Variants in NF1 observed in about 807,000 individuals in gnomAD.
NF1 encodes the protein neurofibromin.
NF1 carries 122 observed loss-of-function variants against 325.7 expected under a neutral mutation model. That is an observed-to-expected ratio of 0.37 (90% CI 0.32 to 0.44). The LOEUF (loss-of-function observed/expected upper bound fraction) is 0.44, where lower values mean the gene tolerates loss of function less well. NF1 is among the 20% of genes least tolerant of loss of function. The pLI is 1.00. For missense variants in NF1, 2,140 were observed against 3,415.4 expected, an observed-to-expected ratio of 0.63 and a Z score of 9.31; for synonymous variants, 1,091 against 1,186.0, an observed-to-expected ratio of 0.92 and a Z score of 1.65.
intron 4 of NF1, among the ~76,000 whole-genome samples, chr17:31,164,589 G>A (rs752652688): frequency 2.6e-5 from 4 of 152,218 alleles, no homozygotes; most frequent in Non-Finnish European, 4.4e-5. Flanking sequence ...TGTACGAACA[G>A]TGGACTTTGA....
At chr17:31,284,859 G>A (rs948235912) in intron 36 of NF1, among the ~76,000 whole-genome samples, 2 of 152,084 alleles carry the variant, frequency 1.3e-5, no homozygotes, top group African/African-American at 4.8e-5. Flanking sequence ...GGTGGCTCAC[G>A]CCTGTAATCC....
In NF1 at chr17:31,336,988, T is replaced by C. The variant is rs1417900078; in HGVS notation, c.6427+74T>C. The C allele has an allele frequency of 2.7e-6, 4 of 1,492,468 alleles. No individual in the cohort carries two copies. Among genetic ancestry groups the C allele is most frequent in the South Asian group, 1.1e-5 (1 of 87,210 alleles). The allele number at this position is 1,492,468 out of a possible 1,614,324, so 92.5% of individuals were successfully genotyped here. ...TACTTCACCTGATCAATATAGATTATCTTATTTATGTTTGTGCTCTAACAC... is the reference window on the plus strand; with the variant it reads ...TACTTCACCTGATCAATATAGATTACCTTATTTATGTTTGTGCTCTAACAC... On this transcript the variant is annotated intron_variant, in intron 42 of 57. Transcript: ENST00000358273. The surrounding 1 kb of genome is among the most constrained non-coding windows in gnomAD (Gnocchi z 5.5).
At chr17:31,266,846 A>C (rs1247401602) in intron 36 of NF1, among the ~76,000 whole-genome samples, 4 of 151,988 alleles carry the variant, frequency 2.6e-5, no homozygotes, top group Admixed American at 1.3e-4. Context: ...AGTGAGATTC[A>C]ATCAGTTTGG....
At chr17:31,340,474 T>A (rs2069787746) in intron 46 of NF1, 31 bp from the exon 47 acceptor site, 4 of 1,614,010 alleles carry the variant, frequency 2.5e-6, no homozygotes, top group South Asian at 2.2e-5. Context: ...ATGATTCATC[T>A]TACTAGCCTC....
rs1337343400 is a variant in NF1 at position 31,249,063 on chromosome 17, A to C, written c.4054A>C (p.Ser1352Arg). 6.2e-7 allele frequency: 1 copy of C among 1,614,170 alleles called. No individual in the cohort carries two copies. The highest frequency in any genetic ancestry group is 1.7e-5 in the Admixed American group (1 of 60,020). The change falls in exon 30 of 58, where the codon AGT (serine) becomes CGT (arginine). Residue 1352 changes from serine (S) to arginine (R), a missense_variant. By Grantham distance (110) the Ser-to-Arg change is moderately radical. Transcript: ENST00000358273. ...TGAAAAGTTCTTCCATGCCATCATCAGTTCCTCCTCAGAATTCCCCCCTCA... is the reference window on the plus strand; with the variant it reads ...TGAAAAGTTCTTCCATGCCATCATCCGTTCCTCCTCAGAATTCCCCCCTCA... ...MTEKFFHAII[S>R]SSSEFPPQLR... is the part of the protein sequence containing the mutation.
At chr17:31,235,795 G>C (rs767740383) in intron 28 of NF1, 23 bp downstream of exon 28, 1 of 1,613,856 alleles carries the variant, frequency 6.2e-7, no homozygotes, top group Non-Finnish European at 8.5e-7. Context: ...CATTTTGTGT[G>C]TATGTGTGTG....
At chr17:31,218,051 C>T (rs1183618591) in intron 13 of NF1, among the ~76,000 whole-genome samples, 1 of 151,978 alleles carries the variant, frequency 6.6e-6, no homozygotes, top group South Asian at 2.1e-4. Context: ...GGGTATCTGC[C>T]GATGCAAATT....
At chr17:31,313,690 A>G (rs1336881831) in intron 36 of NF1, among the ~76,000 whole-genome samples, 1 of 146,826 alleles carries the variant, frequency 6.8e-6, no homozygotes, top group Non-Finnish European at 1.5e-5. Flanking sequence ...TGGGAGACAG[A>G]GCAAGACTCT....
At chr17:31,312,857 T>C (rs1362241379) in intron 36 of NF1, among the ~76,000 whole-genome samples, 1 of 114,398 alleles carries the variant, frequency 8.7e-6, no homozygotes, top group African/African-American at 2.5e-5. Context: ...TAAAATACTC[T>C]TTGCAGTTTT....
At chr17:31,370,912 C>T (rs1344449587) in intron 57 of NF1, among the ~76,000 whole-genome samples, 1 of 152,016 alleles carries the variant, frequency 6.6e-6, no homozygotes, top group African/African-American at 2.4e-5. Flanking sequence ...AAAGAAACAA[C>T]TCAGAATTAC....
At chr17:31,253,876 G>GA (rs1175947295) in intron 31 of NF1, 1 of 152,134 alleles carries the variant, frequency 6.6e-6, no homozygotes, top group Non-Finnish European at 1.5e-5. Flanking sequence ...AAGATGTAAA[G>GA]AAAACTAAGT....
chr17:31,104,690 A>T (rs1912687832), intron 1 of NF1, among the ~76,000 whole-genome samples: 1 of 152,214 alleles, frequency 6.6e-6, no homozygotes, highest in African/African-American at 2.4e-5. Flanking sequence ...TTAAGGTCTC[A>T]GCAAGTTGTA....
Position 31,122,709 on chromosome 17 carries a change from G to A in NF1, c.60+27340G>A, listed in dbSNP as rs144162566. 2.1e-3 allele frequency among the ~76,000 whole-genome samples: 320 copies of A among 152,306 alleles called. 2 individuals are homozygous for A. Among genetic ancestry groups the A allele is most frequent in the East Asian group, 3.3e-3 (17 of 5,190 alleles). ...ATAAATTGAAGATTAATTATATGAAGTATATGGTTTGTAATCTCAATTGAA... is the reference window on the plus strand; with the variant it reads ...ATAAATTGAAGATTAATTATATGAAATATATGGTTTGTAATCTCAATTGAA... On this transcript the variant is annotated intron_variant, in intron 1 of 57. Coordinates refer to ENST00000358273, the MANE Select transcript of NF1 (RefSeq NM_001042492.3).
intron 5 of NF1, among the ~76,000 whole-genome samples, chr17:31,180,026 T>TA (rs1180545359): frequency 1.1e-4 from 17 of 152,206 alleles, no homozygotes; most frequent in Non-Finnish European, 2.1e-4. Context: ...CCTGGACACA[T>TA]ACACCCTCCC....
intron 57 of NF1, chr17:31,362,464 G>A (rs185321208): frequency 4.2e-6 from 2 of 476,208 alleles, no homozygotes; most frequent in Admixed American, 6.4e-5. Flanking sequence ...TAGAACCAAG[G>A]CCAGGCCCTT....
chr17:31,168,513 A>C (rs2065880941), intron 4 of NF1, among the ~76,000 whole-genome samples: 1 of 152,060 alleles, frequency 6.6e-6, no homozygotes, highest in Non-Finnish European at 1.5e-5. Context: ...GCCTCTGTTA[A>C]TCAGTATCAT....
intron 12 of NF1, among the ~76,000 whole-genome samples, chr17:31,213,975 A>C (rs1168771653): frequency 1.3e-5 from 2 of 152,164 alleles, no homozygotes; most frequent in African/African-American, 4.8e-5. Context: ...GCAGTTTTTC[A>C]TTCCTTTTGG....
intron 34 of NF1, among the ~76,000 whole-genome samples, chr17:31,260,975 GA>G (rs2067676124): frequency 6.6e-6 from 1 of 152,140 alleles, no homozygotes; most frequent in Admixed American, 6.5e-5. Flanking sequence ...TGGCACAGTG[GA>G]TTACACCTAT....
chr17:31,240,141 T>A (rs918102117), intron 29 of NF1, among the ~76,000 whole-genome samples: 1 of 152,222 alleles, frequency 6.6e-6, no homozygotes, highest in African/African-American at 2.4e-5. Context: ...TCTTGTTGAC[T>A]GTAGTCACCT....
Sources: gnomAD v4.1 joint callset for allele counts (sites outside exome capture counted in the v4.1 genomes callset) on GRCh38, gnomAD v4.1.1 for gene constraint, Gnocchi (gnomAD v3.1) non-coding constraint, MANE v1.5 for transcripts, NCBI Gene and HGNC (gene_info 2026-07-23, HGNC 2026-07-21) for gene names.